AKAP8L: variants seen among roughly 807,000 people sequenced by gnomAD.
AKAP8L encodes A-kinase anchor protein 8-like.
A neutral mutation model predicts 77.5 loss-of-function variants in AKAP8L; 34 were observed. The ratio of observed to expected loss-of-function variants is 0.44; its 90% CI spans 0.33 to 0.58. The LOEUF is 0.58. Ranked by LOEUF, AKAP8L falls within the 20% of genes least tolerant of loss-of-function variation. AKAP8L has a pLI of 0.02. For synonymous variants in AKAP8L, 342 were observed against 340.7 expected, an observed-to-expected ratio of 1.00 and a Z score of -0.04; for missense variants, 806 against 887.6, an observed-to-expected ratio of 0.91 and a Z score of 1.17.
chr19:15,403,304 G>A lies in AKAP8L; in HGVS notation c.362+171C>T. 1 of 641,004 alleles carries A rather than the reference G, an allele frequency of 1.6e-6. No individual in the cohort carries two copies. The highest frequency in any genetic ancestry group is 2.7e-6 in the Non-Finnish European group (1 of 365,400). The allele number at this position is 641,004 out of a possible 1,614,324, so 39.7% of individuals were successfully genotyped here. A position where few individuals can be genotyped will look rare whatever the true frequency, so the allele number is the denominator to read the frequency against. ...CGGCAGGGGTTGAGGGTGGGTGAGA[G>A]GAGACACAAGTCAGAGACGGGAAGT... is the stretch of plus-strand genomic sequence containing the variant. On this transcript the variant is annotated intron_variant, in intron 4 of 13. Coordinates refer to ENST00000397410, the MANE Select transcript of AKAP8L (RefSeq NM_014371.4). This position sits in a 1 kb window ranked among gnomAD's most constrained non-coding sequence, Gnocchi z 4.3.
Position 15,400,824 on chromosome 19 carries a change from G to A in AKAP8L, c.954C>T (p.Gly318=). The change falls in exon 7 of 14, where the codon GGC becomes GGT. Residue 318 remains glycine, a synonymous_variant. Transcript: ENST00000397410. The part of the protein sequence containing the change: ...TEGEATEGLE[G]TEAVEKGSRV... ...TGGAGCCCTTCTCCACAGCCTCGGT[G>A]CCTTCAAGGCCCTCTGTGGCTTCCC... 6 of 1,614,004 alleles carry A rather than the reference G, an allele frequency of 3.7e-6. No individual in the cohort carries two copies. The highest frequency in any genetic ancestry group is 5.1e-6 in the Non-Finnish European group (6 of 1,179,882).
intron 12 of AKAP8L, among the ~76,000 whole-genome samples, chr19:15,385,698 C>G (rs1490465792): frequency 1.3e-5 from 2 of 151,974 alleles, no homozygotes; most frequent in Non-Finnish European, 2.9e-5. Context: ...CTCCTGGGCT[C>G]AGGTGATCCT....
chr19:15,398,090 C>CAGGCAGGAGGCTGAAGCCTG lies in AKAP8L; in HGVS notation c.1158-255_1158-236dup. ...ACAGGGGAGGAGCTCTTCCTTCCCA[C>CAGGCAGGAGGCTGAAGCCTG]AGGCAGGAGGCTGAAGCCTGAGACA... is the stretch of plus-strand genomic sequence containing the variant. On this transcript the variant is annotated intron_variant, in intron 9 of 13. Transcript: ENST00000397410. This position sits in a 1 kb window ranked among gnomAD's most constrained non-coding sequence, Gnocchi z 9.2. 1.8e-6 allele frequency: 1 copy of CAGGCAGGAGGCTGAAGCCTG among 540,620 alleles called. No individual in the cohort carries two copies. Among genetic ancestry groups the CAGGCAGGAGGCTGAAGCCTG allele is most frequent in the Non-Finnish European group, 3.3e-6 (1 of 302,236 alleles). 33.5% of individuals were successfully genotyped at this position (540,620 alleles called of 1,614,324 possible). A position where few individuals can be genotyped will look rare whatever the true frequency, so the allele number is the denominator to read the frequency against.
intron 2 of AKAP8L, among the ~76,000 whole-genome samples, chr19:15,405,235 TAAAG>T (rs1967972896): frequency 6.6e-6 from 1 of 152,236 alleles, no homozygotes; most frequent in Admixed American, 6.5e-5. Flanking sequence ...CAGAGCCACA[TAAAG>T]AAAAACACAC....
intron 2 of AKAP8L, among the ~76,000 whole-genome samples, chr19:15,408,923 T>TA (rs1159243329): frequency 6.6e-6 from 1 of 152,062 alleles, no homozygotes; most frequent in Non-Finnish European, 1.5e-5. Flanking sequence ...TTTTGTTTTT[T>TA]AAACAAATGG....
chr19:15,385,714 C>G (rs1599589111), intron 12 of AKAP8L, among the ~76,000 whole-genome samples: 1 of 152,150 alleles, frequency 6.6e-6, no homozygotes, highest in East Asian at 1.9e-4. Context: ...ATCCTCCCAC[C>G]TCAGCCTCCC....
chr19:15,397,019 T>C lies in AKAP8L; in HGVS notation c.1536+131A>G. On this transcript the variant is annotated intron_variant, in intron 12 of 13. Coordinates refer to ENST00000397410, the MANE Select transcript of AKAP8L (RefSeq NM_014371.4). The surrounding 1 kb of genome is among the most constrained non-coding windows in gnomAD (Gnocchi z 4.7). ...TGTGCTGCCTGCACTGAGCTGGAAA[T>C]GTCCATATCCACCTCCTCCTGCCTC... 7.7e-7 allele frequency: 1 copy of C among 1,294,362 alleles called. No individual in the cohort carries two copies. The highest frequency in any genetic ancestry group is 1.3e-5 in the South Asian group (1 of 75,100). The allele number at this position is 1,294,362 out of a possible 1,614,324, so 80.2% of individuals were successfully genotyped here. A position where few individuals can be genotyped will look rare whatever the true frequency, so the allele number is the denominator to read the frequency against.
In AKAP8L at chr19:15,397,423, T is replaced by C; in HGVS notation, c.1405+97A>G. The C allele has an allele frequency of 6.7e-7, 1 of 1,483,760 alleles. No homozygotes were observed. The highest frequency in any genetic ancestry group is 9.3e-7 in the Non-Finnish European group (1 of 1,077,482). 91.9% of individuals were successfully genotyped at this position (1,483,760 alleles called of 1,614,324 possible). ...TGAGCCAAGGCTGGTCTCCTGACCT[T>C]CCCTGGGGGAACAGAAGGGTGTCCT... On this transcript the variant is annotated intron_variant, in intron 11 of 13. Coordinates refer to ENST00000397410, the MANE Select transcript of AKAP8L (RefSeq NM_014371.4). The surrounding 1 kb of genome is among the most constrained non-coding windows in gnomAD (Gnocchi z 4.7).
At chr19:15,393,903 C>CAA (rs35729766) in intron 12 of AKAP8L, among the ~76,000 whole-genome samples, 2 of 96,400 alleles carry the variant, frequency 2.1e-5, no homozygotes, top group Admixed American at 1.1e-4. Context: ...ATCTCTGTCT[C>CAA]AAAAAAAAAA....
rs1304075618 is a variant in AKAP8L, at chr19:15,403,290, G to A, written c.362+185C>T. On this transcript the variant is annotated intron_variant, in intron 4 of 13. Coordinates refer to ENST00000397410, the MANE Select transcript of AKAP8L (RefSeq NM_014371.4). The surrounding 1 kb of genome is among the most constrained non-coding windows in gnomAD (Gnocchi z 4.3). ...ACCACCAGGCAGTGCGGCAGGGGTT[G>A]AGGGTGGGTGAGAGGAGACACAAGT... 1.6e-6 allele frequency: 1 copy of A among 616,514 alleles called. No homozygotes were observed. The highest frequency in any genetic ancestry group is 1.8e-5 in the African/African-American group (1 of 54,312). The allele number at this position is 616,514 out of a possible 1,614,324, so 38.2% of individuals were successfully genotyped here. A position where few individuals can be genotyped will look rare whatever the true frequency, so the allele number is the denominator to read the frequency against.
chr19:15,386,527 T>G (rs1403668434), intron 12 of AKAP8L, among the ~76,000 whole-genome samples: 6 of 152,104 alleles, frequency 3.9e-5, no homozygotes, highest in Admixed American at 3.9e-4. Flanking sequence ...ACCTATTGCA[T>G]CCCTGCCTCC....
intron 1 of AKAP8L, among the ~76,000 whole-genome samples, chr19:15,413,609 G>A (rs919783249): frequency 1.3e-5 from 2 of 152,180 alleles, no homozygotes; most frequent in Non-Finnish European, 1.5e-5. Flanking sequence ...ATTAATAGCT[G>A]TCCATAAGAA....
Position 15,403,329 on chromosome 19 carries a change from T to C in AKAP8L, c.362+146A>G. ...GGAGACACAAGTCAGAGACGGGAAGTGCAACGGACCCTGCTGGGAGCCACA... is the reference window on the plus strand; with the variant it reads ...GGAGACACAAGTCAGAGACGGGAAGCGCAACGGACCCTGCTGGGAGCCACA... On this transcript the variant is annotated intron_variant, in intron 4 of 13. Transcript: ENST00000397410. The surrounding 1 kb of genome is among the most constrained non-coding windows in gnomAD (Gnocchi z 4.3). 2 of 723,648 alleles carry C rather than the reference T, an allele frequency of 2.8e-6. No homozygotes were observed. The highest frequency in any genetic ancestry group is 4.7e-6 in the Non-Finnish European group (2 of 427,432). The allele number at this position is 723,648 out of a possible 1,614,324, so 44.8% of individuals were successfully genotyped here. A position where few individuals can be genotyped will look rare whatever the true frequency, so the allele number is the denominator to read the frequency against.
At chr19:15,382,367 A>T (rs1270588738) in intron 12 of AKAP8L, among the ~76,000 whole-genome samples, 1 of 151,818 alleles carries the variant, frequency 6.6e-6, no homozygotes, top group Non-Finnish European at 1.5e-5. Context: ...ACACCCAGCT[A>T]CTTTTTTGTA....
At position 15,415,897 on chromosome 19, in the gene AKAP8L, C is replaced by T. The variant is rs6512031; in HGVS notation, c.13+3014G>A. 1.2e-3 allele frequency among the ~76,000 whole-genome samples: 178 copies of T among 149,512 alleles called. 3 individuals are homozygous for T. Among genetic ancestry groups the T allele is most frequent in the Middle Eastern group, 3.5e-3 (1 of 288 alleles). ...CAAGACTCCGTCTCAAAAAAAAAAA[C>T]AAAAAAAAAATCCCAGAGTCTCGCT... On this transcript the variant is annotated intron_variant, in intron 1 of 13. Transcript: ENST00000397410.
intron 12 of AKAP8L, among the ~76,000 whole-genome samples, chr19:15,392,221 C>A (rs1243497696): frequency 6.6e-6 from 1 of 152,198 alleles, no homozygotes; most frequent in East Asian, 1.9e-4. Context: ...ATTGGCTGAG[C>A]ACAGTGGCTC....
Position 15,399,032 on chromosome 19 carries a change from C to T in AKAP8L, c.1157+270G>A. The stretch of plus-strand genomic sequence containing the variant: ...ACCTTGGGGTTCGTGCGCCGAGTGA[C>T]CTAGCGCCAGAGCTTCTGAGCAACG... On this transcript the variant is annotated intron_variant, in intron 9 of 13. Transcript: ENST00000397410. The surrounding 1 kb of genome is among the most constrained non-coding windows in gnomAD (Gnocchi z 6.1). The T allele has an allele frequency of 2.0e-6, 1 of 491,466 alleles. No homozygotes were observed. The highest frequency in any genetic ancestry group is 3.7e-6 in the Non-Finnish European group (1 of 271,086). The allele number at this position is 491,466 out of a possible 1,614,324, so 30.4% of individuals were successfully genotyped here. A position where few individuals can be genotyped will look rare whatever the true frequency, so the allele number is the denominator to read the frequency against.
Position 15,400,320 on chromosome 19 carries a change from T to C in AKAP8L, c.1023A>G (p.Glu341=), listed in dbSNP as rs745820398. The change falls in exon 8 of 14, where the codon GAA becomes GAG. Residue 341 remains glutamate, a synonymous_variant. Coordinates refer to ENST00000397410, the MANE Select transcript of AKAP8L (RefSeq NM_014371.4). ...EDEEGKEDGR[E]EGKEDPEKGA... ...CCTTCTCTGGATCCTCTTTGCCTTCTTCTCTCCCATCCTCTTTTCCCTCCT... is the reference window on the plus strand; with the variant it reads ...CCTTCTCTGGATCCTCTTTGCCTTCCTCTCTCCCATCCTCTTTTCCCTCCT... 2 of 1,613,384 alleles carry C rather than the reference T, an allele frequency of 1.2e-6. 1 individual carries two copies. Among genetic ancestry groups the C allele is most frequent in the South Asian group, 2.2e-5 (2 of 91,044 alleles).
chr19:15,380,668 T>A (rs983106104), intron 12 of AKAP8L, 56 bp from the exon 13 acceptor site: 1 of 1,567,628 alleles, frequency 6.4e-7, no homozygotes, highest in African/African-American at 1.3e-5. Context: ...TACAAGTTGC[T>A]GCCCCGACCC....
Sources: allele counts gnomAD v4.1 joint callset (sites outside exome capture counted in the v4.1 genomes callset), GRCh38; gene constraint gnomAD v4.1.1; non-coding constraint Gnocchi (gnomAD v3.1); transcripts MANE v1.5; gene names NCBI Gene and HGNC (gene_info 2026-07-23, HGNC 2026-07-21).